Variants in OR9I1 observed in about 807,000 individuals in gnomAD.
OR9I1 encodes the protein olfactory receptor family 9 subfamily I member 1.
In OR9I1, 7 loss-of-function variants were observed where a neutral mutation model predicts 11.2. That is an observed-to-expected ratio of 0.62 (90% CI 0.36 to 1.17). OR9I1 has a LOEUF of 1.17. OR9I1 is among the 50% of genes most tolerant of loss of function. The pLI is 0.02. For missense variants in OR9I1, 428 were observed against 377.2 expected (o/e 1.13, Z -1.12); for synonymous variants, 165 against 153.4 (o/e 1.08, Z -0.56).
chr11:58,120,719 A>G (rs1435245253), intron 2 of OR9I1, among the ~76,000 whole-genome samples: 4 of 150,900 alleles, frequency 2.7e-5, no homozygotes, highest in African/African-American at 9.7e-5. Context: ...GATTTTCTGT[A>G]CTGAAACATA....
In OR9I1 at chr11:58,119,416, G is replaced by T; in HGVS notation, c.29C>A (p.Thr10Asn). The change falls in exon 3 of 3, where the codon ACC becomes AAC. Residue 10 changes from threonine to asparagine, a missense_variant. Thr to Asn is a moderately conservative substitution (Grantham distance 65). Transcript: ENST00000641439. ...CATAAAGCCCATGAGAATGAATTCGGTTACTCTGGTGAGATTATTCTTGGC... is the reference window on the plus strand; with the variant it reads ...CATAAAGCCCATGAGAATGAATTCGTTTACTCTGGTGAGATTATTCTTGGC... MAKNNLTRV[T>N]EFILMGFMDH... The T allele has an allele frequency of 6.2e-7, 1 of 1,611,658 alleles. No individual in the cohort carries two copies. The highest frequency in any genetic ancestry group is 2.2e-5 in the East Asian group (1 of 44,828).
In OR9I1 at chr11:58,119,025, G is replaced by C. The variant is rs374490300; in HGVS notation, c.420C>G (p.Leu140=). ...LLYTVAMNPR[L]CWSLVVGAYV... ...AGGCTCCTACCACCAGGCTCCAGCA[G>C]AGCCTGGGATTCATGGCCACGGTAT... Residue 140 remains leucine, a synonymous_variant, in exon 3 of 3, where the codon CTC becomes CTG. Transcript: ENST00000641439. The C allele has an allele frequency of 6.2e-7, 1 of 1,613,906 alleles. No individual in the cohort carries two copies. Among genetic ancestry groups the C allele is most frequent in the Non-Finnish European group, 8.5e-7 (1 of 1,179,992 alleles).
chr11:58,121,389 C>CT (rs1425120494), intron 2 of OR9I1, among the ~76,000 whole-genome samples: 6 of 152,062 alleles, frequency 3.9e-5, no homozygotes, highest in African/African-American at 7.2e-5. Flanking sequence ...GTTCCCATCT[C>CT]TTTTTTTTCC....
chr11:58,118,093 C>T lies in OR9I1; in HGVS notation c.*407G>A, dbSNP rs1187660061. The stretch of plus-strand genomic sequence containing the variant: ...GCCAATTTGTGCAATTCGCAGAGGT[C>T]CCCAGATATAATCTTTGACACAGAG... On this transcript the variant is annotated 3_prime_UTR_variant, in exon 3 of 3. Transcript: ENST00000641439. 1 of 157,354 alleles carries T rather than the reference C, an allele frequency of 6.4e-6. No individual in the cohort carries two copies. Among genetic ancestry groups the T allele is most frequent in the African/African-American group, 2.4e-5 (1 of 41,486 alleles). The allele number at this position is 157,354 out of a possible 1,614,324, so 9.7% of individuals were successfully genotyped here. A position where few individuals can be genotyped will look rare whatever the true frequency, so the allele number is the denominator to read the frequency against.
In OR9I1 at chr11:58,118,343, A is replaced by G. The variant is rs996517603; in HGVS notation, c.*157T>C. On this transcript the variant is annotated 3_prime_UTR_variant, in exon 3 of 3. Coordinates refer to ENST00000641439, the MANE Select transcript of OR9I1 (RefSeq NM_001005211.2). ...AAAGAACATGGAATTGCTGGAAACT[A>G]ATTTCACCACAATTGTAGTTTTTCC... 4.6e-5 allele frequency: 27 copies of G among 583,948 alleles called. No homozygotes were observed. The highest frequency in any genetic ancestry group is 9.2e-5 in the Admixed American group (3 of 32,554). The allele number at this position is 583,948 out of a possible 1,614,324, so 36.2% of individuals were successfully genotyped here. A position where few individuals can be genotyped will look rare whatever the true frequency, so the allele number is the denominator to read the frequency against.
Position 58,125,036 on chromosome 11 carries a change from C to T in OR9I1, c.-225+238G>A, listed in dbSNP as rs183763365. 4.4e-4 allele frequency among the ~76,000 whole-genome samples: 67 copies of T among 152,264 alleles called. 1 individual carries two copies. The highest frequency in any genetic ancestry group is 3.7e-3 in the Admixed American group (57 of 15,290). On this transcript the variant is annotated intron_variant, in intron 1 of 2. Transcript: ENST00000641439. ...GAGTCTAATCCAGGTCTGTCTTATT[C>T]CAAAGCCAGAGTCCTAGTACATATG...
At chr11:58,123,447 T>A (rs1854055995) in intron 2 of OR9I1, among the ~76,000 whole-genome samples, 1 of 152,194 alleles carries the variant, frequency 6.6e-6, no homozygotes, top group African/African-American at 2.4e-5. Flanking sequence ...TGTTCAAGGC[T>A]CCTGACCAGA....
chr11:58,118,834 T>C lies in OR9I1; in HGVS notation c.611A>G (p.Asn204Ser). Residue 204 changes from asparagine to serine, a missense_variant, in exon 3 of 3, where the codon AAT becomes AGT. Coordinates refer to ENST00000641439, the MANE Select transcript of OR9I1 (RefSeq NM_001005211.2). ...GGAGGCATTGGCCAAAATCACAAAATTGCCAAAGAAGATGATGACAATCTC... is the reference window on the plus strand; with the variant it reads ...GGAGGCATTGGCCAAAATCACAAAACTGCCAAAGAAGATGATGACAATCTC... Reference protein sequence around the residue: ...NIEIVIIFFGNFVILANASVI... With the variant: ...NIEIVIIFFGSFVILANASVI... The C allele has an allele frequency of 1.2e-6, 2 of 1,613,976 alleles. No homozygotes were observed. The highest frequency in any genetic ancestry group is 2.2e-5 in the South Asian group (2 of 91,074).
intron 2 of OR9I1, among the ~76,000 whole-genome samples, chr11:58,123,300 C>G (rs766462044): frequency 6.6e-6 from 1 of 152,162 alleles, no homozygotes; most frequent in Non-Finnish European, 1.5e-5. Flanking sequence ...TTAATCAGAG[C>G]TTTTTTACCT....
In OR9I1 at chr11:58,117,965, T is replaced by A. The variant is rs1853974743; in HGVS notation, c.*535A>T. On this transcript the variant is annotated 3_prime_UTR_variant, in exon 3 of 3. Transcript: ENST00000641439. ...GTCTCTTCTGAAGAGAGAAGTTCAT[T>A]TCTCAAACTTCCTTCCCTTGGCCAG... 2 of 152,418 alleles carry A rather than the reference T, an allele frequency of 1.3e-5. No individual in the cohort carries two copies. Among genetic ancestry groups the A allele is most frequent in the Non-Finnish European group, 2.9e-5 (2 of 68,222 alleles). The allele number at this position is 152,418 out of a possible 1,614,324, so 9.4% of individuals were successfully genotyped here.
At chr11:58,121,603 C>T (rs1481051685) in intron 2 of OR9I1, among the ~76,000 whole-genome samples, 5 of 152,184 alleles carry the variant, frequency 3.3e-5, no homozygotes, top group Non-Finnish European at 7.3e-5. Flanking sequence ...ATTTGCCTGG[C>T]CTCCTTAATC....
At position 58,124,903 on chromosome 11, in the gene OR9I1, A is replaced by G. The variant is rs112764246; in HGVS notation, c.-224-264T>C. Reference sequence around the variant, plus strand: ...GTAGACACATTAGTTCATATAATTCATACAATGATCCTACAAAAAAGGTAT... The same window carrying G: ...GTAGACACATTAGTTCATATAATTCGTACAATGATCCTACAAAAAAGGTAT... On this transcript the variant is annotated intron_variant, in intron 1 of 2. Transcript: ENST00000641439. 2.8e-4 allele frequency among the ~76,000 whole-genome samples: 43 copies of G among 152,292 alleles called. 1 individual carries two copies. The highest frequency in any genetic ancestry group is 8.7e-4 in the African/African-American group (36 of 41,564).
In OR9I1 at chr11:58,118,328, G is replaced by C. The variant is rs1238367544; in HGVS notation, c.*172C>G. On this transcript the variant is annotated 3_prime_UTR_variant, in exon 3 of 3. Transcript: ENST00000641439. ...GAAGGGGATAAGAAGAAAGAACATG[G>C]AATTGCTGGAAACTAATTTCACCAC... 1 of 560,936 alleles carries C rather than the reference G, an allele frequency of 1.8e-6. No individual in the cohort carries two copies. Among genetic ancestry groups the C allele is most frequent in the East Asian group, 2.8e-5 (1 of 35,672 alleles). The allele number at this position is 560,936 out of a possible 1,614,324, so 34.7% of individuals were successfully genotyped here.
At position 58,119,416 on chromosome 11, in the gene OR9I1, G is replaced by C. The variant is rs201346743; in HGVS notation, c.29C>G (p.Thr10Ser). ...CATAAAGCCCATGAGAATGAATTCG[G>C]TTACTCTGGTGAGATTATTCTTGGC... Reference protein sequence around the residue: MAKNNLTRVTEFILMGFMDH... With the variant: MAKNNLTRVSEFILMGFMDH... The change falls in exon 3 of 3, where the codon ACC becomes AGC. Residue 10 changes from threonine (T) to serine (S), a missense_variant. Physicochemically the swap from Thr to Ser is moderately conservative, Grantham distance 58. Transcript: ENST00000641439. The C allele has an allele frequency of 1.1e-5, 18 of 1,611,540 alleles. No homozygotes were observed. Among genetic ancestry groups the C allele is most frequent in the Non-Finnish European group, 1.5e-5 (18 of 1,178,488 alleles).
chr11:58,125,257 A>AT lies in OR9I1; in HGVS notation c.-225+16_-225+17insA, dbSNP rs1554969756. ...ACCCACCGCCCCCCCCCCAAAAAAAAGCTGATCCAGTCTTACTTGTATATT... is the reference window on the plus strand; with the variant it reads ...ACCCACCGCCCCCCCCCCAAAAAAAATGCTGATCCAGTCTTACTTGTATATT... On this transcript the variant is annotated intron_variant, in intron 1 of 2. Transcript: ENST00000641439. The AT allele has an allele frequency of 2.6e-5, 3 of 115,486 alleles. No homozygotes were observed. The highest frequency in any genetic ancestry group is 6.5e-5 in the African/African-American group (2 of 30,604). 7.2% of individuals were successfully genotyped at this position (115,486 alleles called of 1,614,324 possible).
rs148750239 is a variant in OR9I1 at position 58,121,632 on chromosome 11, C to T, written c.-22-2166G>A. ...CTTAATCTTACACCCCCAACTTCCT[C>T]AGGTTGGAATCTGCCAATTCAGAGT... is the stretch of plus-strand genomic sequence containing the variant. On this transcript the variant is annotated intron_variant, in intron 2 of 2. Transcript: ENST00000641439. Among the ~76,000 whole-genome samples, 195 of 152,328 alleles carry T rather than the reference C, an allele frequency of 1.3e-3. 1 individual carries two copies. Among genetic ancestry groups the T allele is most frequent in the Admixed American group, 2.1e-3 (32 of 15,302 alleles).
In OR9I1 at chr11:58,118,674, G is replaced by T; in HGVS notation, c.771C>A (p.Phe257Leu). 6.2e-7 allele frequency: 1 copy of T among 1,613,998 alleles called. No individual in the cohort carries two copies. Among genetic ancestry groups the T allele is most frequent in the Non-Finnish European group, 8.5e-7 (1 of 1,179,974 alleles). Residue 257 changes from phenylalanine to leucine, a missense_variant, in exon 3 of 3, where the codon TTC becomes TTA. Physicochemically the swap from Phe to Leu is conservative, Grantham distance 22. Transcript: ENST00000641439. The part of the protein sequence containing the change: ...AVALFFGALI[F>L]MYLQSGSGKS... ...TGCCTGAGCCACTTTGCAGATACAT[G>T]AAGATAAGGGCTCCAAAGAAAAGGG...
At chr11:58,123,099 C>T (rs1421782943) in intron 2 of OR9I1, among the ~76,000 whole-genome samples, 2 of 151,782 alleles carry the variant, frequency 1.3e-5, no homozygotes, top group African/African-American at 4.8e-5. Flanking sequence ...GATATTATGA[C>T]CTTATTTTTA....
Position 58,119,245 on chromosome 11 carries a change from G to A in OR9I1, c.200C>T (p.Ser67Phe). Residue 67 changes from serine (S) to phenylalanine (F), a missense_variant, in exon 3 of 3, where the codon TCC becomes TTC. Ser to Phe is a radical substitution (Grantham distance 155). Coordinates refer to ENST00000641439, the MANE Select transcript of OR9I1 (RefSeq NM_001005211.2). ...TPMYFFLSHL[S>F]LLDACYTSVI... ...TGAGGTGTAACAGGCATCCAGCAGG[G>A]AGAGGTGGCTCAGGAAGAAGTACAT... is the stretch of plus-strand genomic sequence containing the variant. The A allele has an allele frequency of 6.2e-7, 1 of 1,614,020 alleles. No individual in the cohort carries two copies. The highest frequency in any genetic ancestry group is 1.1e-5 in the South Asian group (1 of 91,068).
Sources: gnomAD v4.1 joint callset for allele counts (sites outside exome capture counted in the v4.1 genomes callset) on GRCh38, gnomAD v4.1.1 for gene constraint, MANE v1.5 for transcripts, NCBI Gene and HGNC (gene_info 2026-07-23, HGNC 2026-07-21) for gene names.